SFRP1: variants seen among roughly 807,000 people sequenced by gnomAD.
The protein encoded by SFRP1 is secreted frizzled-related protein 1.
A neutral mutation model predicts 25.9 loss-of-function variants in SFRP1; 9 were observed. The observed-to-expected ratio is 0.35, with a 90% CI of 0.21 to 0.61. The LOEUF (loss-of-function observed/expected upper bound fraction) is 0.61, where lower values mean the gene tolerates loss of function less well. Among genes scored for constraint, SFRP1 ranks in the 20% least tolerant of loss-of-function variants. SFRP1 has a pLI of 0.78. For synonymous variants in SFRP1, 178 were observed against 174.0 expected, an observed-to-expected ratio of 1.02 and a Z score of -0.18; for missense variants, 346 against 418.2, an observed-to-expected ratio of 0.83 and a Z score of 1.51.
At chr8:41,302,192 C>A (rs766707670) in intron 2 of SFRP1, among the ~76,000 whole-genome samples, 3 of 152,338 alleles carry the variant, frequency 2.0e-5, no homozygotes, top group Middle Eastern at 3.4e-3. Context: ...ACTCACACTG[C>A]TGCATCACAG....
At chr8:41,281,903 A>C (rs1235365009) in intron 2 of SFRP1, among the ~76,000 whole-genome samples, 1 of 152,208 alleles carries the variant, frequency 6.6e-6, no homozygotes, top group Non-Finnish European at 1.5e-5. Flanking sequence ...TGGCGAATGC[A>C]TATGTCGTGC....
intron 2 of SFRP1, among the ~76,000 whole-genome samples, chr8:41,275,706 G>A (rs1035057686): frequency 2.0e-5 from 3 of 151,618 alleles, no homozygotes; most frequent in Non-Finnish European, 4.4e-5. Flanking sequence ...GTTTCACCAC[G>A]TTAGCTAGGA....
intron 2 of SFRP1, among the ~76,000 whole-genome samples, chr8:41,267,479 G>A (rs1047923751): frequency 1.2e-4 from 19 of 152,144 alleles, no homozygotes; most frequent in African/African-American, 4.1e-4. Context: ...GATAATTTGC[G>A]TATCTTCTGA....
Position 41,308,757 on chromosome 8 carries a change from C to T in SFRP1, c.403G>A (p.Ala135Thr). Residue 135 changes from alanine to threonine, a missense_variant, in exon 1 of 3, where the codon GCC becomes ACC. Physicochemically the swap from Ala to Thr is moderately conservative, Grantham distance 58 (BLOSUM62 0). Transcript: ENST00000220772. ...ACCGGCTCGCACGAGTCGCGCACGGCCTCGCAGAGCCAGCGACACGGGTAG... is the reference window on the plus strand; with the variant it reads ...ACCGGCTCGCACGAGTCGCGCACGGTCTCGCAGAGCCAGCGACACGGGTAG... ...PIYPCRWLCE[A>T]VRDSCEPVMQ... 6.2e-7 allele frequency: 1 copy of T among 1,608,720 alleles called. No individual in the cohort carries two copies. The highest frequency in any genetic ancestry group is 8.5e-7 in the Non-Finnish European group (1 of 1,177,866).
chr8:41,281,325 C>T (rs556893472), intron 2 of SFRP1, among the ~76,000 whole-genome samples: 1 of 152,360 alleles, frequency 6.6e-6, no homozygotes, highest in East Asian at 1.9e-4. Flanking sequence ...GCCATGCAGG[C>T]CCTTCAAGGA....
In SFRP1 at chr8:41,308,689, A is replaced by G. The variant is rs1423646878; in HGVS notation, c.471T>C (p.Cys157=). 3.1e-6 allele frequency: 5 copies of G among 1,611,294 alleles called. No homozygotes were observed. The highest frequency in any genetic ancestry group is 4.2e-6 in the Non-Finnish European group (5 of 1,178,636). Residue 157 remains cysteine, a synonymous_variant, in exon 1 of 3, where the codon TGT becomes TGC. Coordinates refer to ENST00000220772, the MANE Select transcript of SFRP1 (RefSeq NM_003012.5). ...AGACGTCCCCCTCGGGGAACTTGTC[A>G]CACTTAAGCATCTCGGGCCAGTAGA... ...FGFYWPEMLK[C]DKFPEGDVCI...
chr8:41,306,869 G>A (rs773863775), intron 1 of SFRP1: 1 of 1,596,408 alleles, frequency 6.3e-7, no homozygotes, highest in South Asian at 1.1e-5. Flanking sequence ...ACAGCCTTTT[G>A]GGGGCTGGGG....
intron 2 of SFRP1, among the ~76,000 whole-genome samples, chr8:41,290,884 G>GACTTTTTTTTTTT (rs1803768629): frequency 3.6e-5 from 1 of 27,500 alleles, no homozygotes; most frequent in South Asian, 2.0e-3. Flanking sequence ...CCTCTTCCTC[G>GACTTTTTTTTTTT]TCTTTTTTTT....
Position 41,265,247 on chromosome 8 carries a change from T to C in SFRP1, c.865A>G (p.Lys289Glu). The change falls in exon 3 of 3, where the codon AAG (lysine) becomes GAG (glutamate). Residue 289 changes from lysine to glutamate, a missense_variant. Lys to Glu is a moderately conservative substitution (Grantham distance 56). Coordinates refer to ENST00000220772, the MANE Select transcript of SFRP1 (RefSeq NM_003012.5). Reference protein sequence around the residue: ...YLLTAIHKWDKKNKEFKNFMK... With the variant: ...YLLTAIHKWDEKNKEFKNFMK... ...AAGTTTTTGAACTCCTTGTTTTTCT[T>C]GTCCCACTTGTGGATGGCCGTCAGC... The C allele has an allele frequency of 2.5e-6, 4 of 1,614,144 alleles. No individual in the cohort carries two copies. Among genetic ancestry groups the C allele is most frequent in the Non-Finnish European group, 3.4e-6 (4 of 1,179,996 alleles).
rs1340647494 is a variant in SFRP1, at chr8:41,308,976, G to C, written c.184C>G (p.Pro62Ala). Reference protein sequence around the residue: ...YTKPPQCVDIPADLRLCHNVG... With the variant: ...YTKPPQCVDIAADLRLCHNVG... ...TTGTGGCACAGCCGCAGGTCCGCGG[G>C]GATGTCCACGCACTGAGGTGGCTTG... Residue 62 changes from proline to alanine, a missense_variant, in exon 1 of 3, where the codon CCC (proline) becomes GCC (alanine). Physicochemically the swap from Pro to Ala is conservative, Grantham distance 27. Coordinates refer to ENST00000220772, the MANE Select transcript of SFRP1 (RefSeq NM_003012.5). 1 of 1,613,390 alleles carries C rather than the reference G, an allele frequency of 6.2e-7. No individual in the cohort carries two copies. Among genetic ancestry groups the C allele is most frequent in the Non-Finnish European group, 8.5e-7 (1 of 1,179,954 alleles).
chr8:41,303,519 G>A lies in SFRP1; in HGVS notation c.564C>T (p.Pro188=). The A allele has an allele frequency of 6.2e-7, 1 of 1,613,914 alleles. No homozygotes were observed. Among genetic ancestry groups the A allele is most frequent in the Non-Finnish European group, 8.5e-7 (1 of 1,179,848 alleles). Reference sequence around the variant, plus strand: ...CCTCAGATTTCAACTCGTTGTCACAGGGAGGACACACCGTTGTGCCTGGGA... The same window carrying A: ...CCTCAGATTTCAACTCGTTGTCACAAGGAGGACACACCGTTGTGCCTGGGA... ...SKPQGTTVCP[P]CDNELKSEAI... is the part of the protein sequence containing the mutation. The change falls in exon 2 of 3, where the codon CCC becomes CCT. Residue 188 remains proline, a synonymous_variant. Coordinates refer to ENST00000220772, the MANE Select transcript of SFRP1 (RefSeq NM_003012.5).
intron 2 of SFRP1, among the ~76,000 whole-genome samples, chr8:41,273,676 C>A (rs1384288960): frequency 1.3e-5 from 2 of 152,038 alleles, no homozygotes; most frequent in Non-Finnish European, 2.9e-5. Context: ...AAAGGTCTAA[C>A]CTAAGAAAGG....
chr8:41,309,026 G>C lies in SFRP1; in HGVS notation c.134C>G (p.Pro45Arg), dbSNP rs772267698. The C allele has an allele frequency of 1.9e-6, 3 of 1,610,046 alleles. No individual in the cohort carries two copies. The highest frequency in any genetic ancestry group is 1.1e-5 in the South Asian group (1 of 91,064). ...GGTGTAGAAGCGCCCGCTCTGGTAC[G>C]GGCCGATGTCCGACTGGAAGCTCAC... ...DYVSFQSDIG[P>R]YQSGRFYTKP... is the part of the protein sequence containing the mutation. The change falls in exon 1 of 3, where the codon CCG becomes CGG. Residue 45 changes from proline (P) to arginine (R), a missense_variant. Coordinates refer to ENST00000220772, the MANE Select transcript of SFRP1 (RefSeq NM_003012.5).
At chr8:41,280,028 G>T (rs1803615340) in intron 2 of SFRP1, among the ~76,000 whole-genome samples, 1 of 152,188 alleles carries the variant, frequency 6.6e-6, no homozygotes, top group Non-Finnish European at 1.5e-5. Context: ...GGGCCCTGGT[G>T]GCCTGCTCTG....
chr8:41,294,858 G>T (rs941832318), intron 2 of SFRP1, among the ~76,000 whole-genome samples: 6 of 152,068 alleles, frequency 3.9e-5, no homozygotes, highest in Non-Finnish European at 8.8e-5. Flanking sequence ...GGAGTCCCCA[G>T]TTCCTGCTCC....
chr8:41,308,206 C>A (rs945096724), intron 1 of SFRP1, among the ~76,000 whole-genome samples: 1 of 152,240 alleles, frequency 6.6e-6, no homozygotes, highest in African/African-American at 2.4e-5. Flanking sequence ...TTTTTCCTCC[C>A]GTCTCAGAGG....
At chr8:41,268,870 G>A (rs1290686776) in intron 2 of SFRP1, among the ~76,000 whole-genome samples, 2 of 152,238 alleles carry the variant, frequency 1.3e-5, no homozygotes, top group Non-Finnish European at 2.9e-5. Flanking sequence ...CTGGGCCCCA[G>A]CGATGTTGCC....
intron 2 of SFRP1, among the ~76,000 whole-genome samples, chr8:41,291,677 C>T (rs1803780584): frequency 6.6e-6 from 1 of 152,166 alleles, no homozygotes; most frequent in African/African-American, 2.4e-5. Flanking sequence ...GAACCACTTC[C>T]CAATCACACC....
At chr8:41,289,638 C>A (rs967084730) in intron 2 of SFRP1, among the ~76,000 whole-genome samples, 1 of 152,198 alleles carries the variant, frequency 6.6e-6, no homozygotes, top group African/African-American at 2.4e-5. Flanking sequence ...CTGCTAACCG[C>A]TGGAATCCTC....
Sources: gnomAD v4.1 joint callset for allele counts (sites outside exome capture counted in the v4.1 genomes callset) on GRCh38, gnomAD v4.1.1 for gene constraint, MANE v1.5 for transcripts, NCBI Gene and HGNC (gene_info 2026-07-23, HGNC 2026-07-21) for gene names.